The following NPC1 variants were observed in gnomAD, a reference collection of about 807,000 sequenced individuals.
NPC1 encodes NPC intracellular cholesterol transporter 1, also known as Niemann-Pick C1 protein.
A neutral mutation model predicts 140.4 loss-of-function variants in NPC1; 85 were observed. That is an observed-to-expected ratio of 0.61 (90% CI 0.51 to 0.72). The LOEUF is 0.72. Ranked by LOEUF, NPC1 falls within the 30% of genes least tolerant of loss-of-function variation. The pLI is 0.00. For synonymous variants in NPC1, 656 were observed against 624.8 expected (o/e 1.05, Z -0.74); for missense variants, 1,504 against 1,623.8 (o/e 0.93, Z 1.27).
At chr18:23,540,389 A>C (rs2058696280) in intron 17 of NPC1, 59 bp downstream of exon 17, 1 of 1,131,112 alleles carries the variant, frequency 8.8e-7, no homozygotes, top group Non-Finnish European at 1.3e-6. Context: ...ATGTTTTGAA[A>C]AATGTATTCA....
chr18:23,548,673 C>G (rs2058824263), intron 10 of NPC1, among the ~76,000 whole-genome samples: 1 of 152,178 alleles, frequency 6.6e-6, no homozygotes, highest in African/African-American at 2.4e-5. Context: ...TAGCCAATCC[C>G]CCCCAACTGA....
In NPC1 at chr18:23,544,943, A is replaced by AACCCCCCCCCC. The variant is rs2058763448; in HGVS notation, c.1947+16_1947+17insGGGGGGGGGGT. Reference sequence around the variant, plus strand: ...GCTGTTAACCTCTAGAACATACACCACCCCCCCCCGGCTTACCAGAAGCCT... The same window carrying AACCCCCCCCCC: ...GCTGTTAACCTCTAGAACATACACCAACCCCCCCCCCCCCCCCCCCGGCTTACCAGAAGCCT... On this transcript the variant is annotated intron_variant, in intron 12 of 24. Coordinates refer to ENST00000269228, the MANE Select transcript of NPC1 (RefSeq NM_000271.5). 1.3e-4 allele frequency: 138 copies of AACCCCCCCCCC among 1,042,000 alleles called. No homozygotes were observed. Among genetic ancestry groups the AACCCCCCCCCC allele is most frequent in the South Asian group, 4.2e-4 (31 of 74,688 alleles). 64.5% of individuals were successfully genotyped at this position (1,042,000 alleles called of 1,614,324 possible). A position where few individuals can be genotyped will look rare whatever the true frequency, so the allele number is the denominator to read the frequency against.
chr18:23,550,877 T>C (rs2058862055), intron 10 of NPC1, among the ~76,000 whole-genome samples: 1 of 152,214 alleles, frequency 6.6e-6, no homozygotes, highest in African/African-American at 2.4e-5. Flanking sequence ...CCCCTATGGC[T>C]AGTCAGTTGC....
At chr18:23,550,011 T>C (rs2058845634) in intron 10 of NPC1, among the ~76,000 whole-genome samples, 1 of 151,784 alleles carries the variant, frequency 6.6e-6, no homozygotes, top group Admixed American at 6.6e-5. Context: ...ATACTAATAT[T>C]TTTGTCCAGT....
At chr18:23,507,083 A>G in intron 3 of NPC1, 1 of 1,437,584 alleles carries the variant, frequency 7.0e-7, no homozygotes, top group African/African-American at 1.4e-5. Context: ...ATACAGCATT[A>G]AAGGGCATTA....
intron 1 of NPC1, among the ~76,000 whole-genome samples, chr18:23,578,244 T>C (rs2059315609): frequency 6.6e-6 from 1 of 152,234 alleles, no homozygotes; most frequent in Non-Finnish European, 1.5e-5. Context: ...GGAGGCGTTA[T>C]TATACCCCTT....
chr18:23,584,849 T>G (rs1456033107), intron 1 of NPC1, among the ~76,000 whole-genome samples: 2 of 151,920 alleles, frequency 1.3e-5, no homozygotes, highest in Non-Finnish European at 2.9e-5. Flanking sequence ...ACAGAGACTC[T>G]GTCTCCAAAA....
At chr18:23,577,394 T>C (rs1158873828) in intron 1 of NPC1, among the ~76,000 whole-genome samples, 1 of 151,200 alleles carries the variant, frequency 6.6e-6, no homozygotes, top group African/African-American at 2.4e-5. Flanking sequence ...ATCCTTGAGC[T>C]AGACATAAAG....
intron 4 of NPC1, among the ~76,000 whole-genome samples, chr18:23,565,010 A>T (rs1194777568): frequency 6.6e-6 from 1 of 152,188 alleles, no homozygotes; most frequent in Non-Finnish European, 1.5e-5. Context: ...ATTCTCAGTT[A>T]TATTCCATTG....
At chr18:23,555,961 C>A (rs1485353873) in intron 8 of NPC1, among the ~76,000 whole-genome samples, 3 of 152,178 alleles carry the variant, frequency 2.0e-5, no homozygotes, top group Non-Finnish European at 4.4e-5. Context: ...AGAGAAACGC[C>A]ACTGAAGTCT....
intron 3 of NPC1, among the ~76,000 whole-genome samples, chr18:23,571,601 C>G (rs1393810528): frequency 1.3e-5 from 2 of 151,104 alleles, no homozygotes; most frequent in Admixed American, 6.6e-5. Flanking sequence ...TTGCAGTAAG[C>G]TGAGATCATG....
chr18:23,530,558 C>T (rs371338099), downstream of NPC1: 49 of 1,614,048 alleles, frequency 3.0e-5, no homozygotes, highest in Admixed American at 8.3e-5. Flanking sequence ...TACAATATTC[C>T]GCTTTTTTGA....
chr18:23,508,289 C>T (rs1317629620), intron 3 of NPC1, among the ~76,000 whole-genome samples: 1 of 152,188 alleles, frequency 6.6e-6, no homozygotes, highest in Non-Finnish European at 1.5e-5. Context: ...CCCAGTAGTG[C>T]TAGCCCTTGG....
chr18:23,552,217 G>A (rs2058882811), intron 9 of NPC1, among the ~76,000 whole-genome samples: 1 of 152,120 alleles, frequency 6.6e-6, no homozygotes, highest in South Asian at 2.1e-4. Flanking sequence ...AAGTACTCAG[G>A]AAGCTGAGGC....
At chr18:23,526,526 G>A (rs1459002649), downstream of NPC1, 10 of 1,327,924 alleles carry the variant, frequency 7.5e-6, no homozygotes, top group African/African-American at 5.9e-5. Flanking sequence ...TGTACTTTGC[G>A]GCTTTTTATC....
chr18:23,580,761 C>G (rs2059346805), intron 1 of NPC1, among the ~76,000 whole-genome samples: 1 of 152,218 alleles, frequency 6.6e-6, no homozygotes, highest in Non-Finnish European at 1.5e-5. Flanking sequence ...ACAACACAGG[C>G]TGGAGTGGAG....
downstream of NPC1, among the ~76,000 whole-genome samples, chr18:23,525,034 C>T (rs2058255931): frequency 1.3e-5 from 2 of 148,824 alleles, no homozygotes; most frequent in South Asian, 4.2e-4. Flanking sequence ...GCAACCTCCG[C>T]CTCCCGGGTT....
chr18:23,543,328 CAG>C, intron 14 of NPC1, 125 bp downstream of exon 14: 1 of 539,554 alleles, frequency 1.9e-6, no homozygotes, highest in Non-Finnish European at 3.1e-6. Flanking sequence ...GACTCCGTCT[CAG>C]AGAAAAAAAA....
At chr18:23,553,884 T>C (rs1287473613) in intron 9 of NPC1, among the ~76,000 whole-genome samples, 1 of 152,342 alleles carries the variant, frequency 6.6e-6, no homozygotes, top group African/African-American at 2.4e-5. Context: ...TGCAGACCTA[T>C]ACTGCCTCAA....
Sources: allele counts gnomAD v4.1 joint callset (sites outside exome capture counted in the v4.1 genomes callset), GRCh38; gene constraint gnomAD v4.1.1; transcripts MANE v1.5; gene names NCBI Gene and HGNC (gene_info 2026-07-23, HGNC 2026-07-21).